CDC42SE2: variants seen among roughly 807,000 people sequenced by gnomAD.
The protein encoded by CDC42SE2 is CDC42 small effector 2, also known as CDC42 small effector protein 2.
In CDC42SE2, 3 loss-of-function variants were observed where a neutral mutation model predicts 11.5. That is an observed-to-expected ratio of 0.26 (90% confidence interval 0.12 to 0.67). The LOEUF (loss-of-function observed/expected upper bound fraction) is 0.67. CDC42SE2 is among the 30% of genes least tolerant of loss of function. The pLI, the probability that CDC42SE2 is intolerant of heterozygous loss-of-function variation, is 0.80. For synonymous variants in CDC42SE2, 33 were observed against 34.8 expected (o/e 0.95, Z 0.18); for missense variants, 82 against 106.8 (o/e 0.77, Z 1.02).
intron 1 of CDC42SE2, among the ~76,000 whole-genome samples, chr5:131,275,830 A>T (rs1757089094): frequency 6.6e-6 from 1 of 151,758 alleles, no homozygotes; most frequent in Non-Finnish European, 1.5e-5. Flanking sequence ...ACAAAAAGTT[A>T]TTAGTATGCC....
intron 2 of CDC42SE2, among the ~76,000 whole-genome samples, chr5:131,324,699 T>C (rs1561584989): frequency 6.6e-6 from 1 of 152,126 alleles, no homozygotes; most frequent in Non-Finnish European, 1.5e-5. Context: ...TTTTAAAAAG[T>C]CCAAAAGCTC....
intron 1 of CDC42SE2, among the ~76,000 whole-genome samples, chr5:131,276,358 C>T (rs1008198501): frequency 3.3e-5 from 5 of 149,356 alleles, no homozygotes; most frequent in East Asian, 2.0e-4. Context: ...CTGAGGTGGG[C>T]GGATTGCTTG....
intron 1 of CDC42SE2, among the ~76,000 whole-genome samples, chr5:131,298,027 C>G (rs982794191): frequency 4.6e-5 from 7 of 151,462 alleles, no homozygotes; most frequent in Non-Finnish European, 7.4e-5. Flanking sequence ...GCAGTTAAAT[C>G]TAATTTTTTA....
upstream of CDC42SE2, among the ~76,000 whole-genome samples, chr5:131,242,338 T>G (rs1458314953): frequency 6.6e-6 from 1 of 152,136 alleles, no homozygotes. Flanking sequence ...CAAAAGCGAG[T>G]CCTTTCATCT....
At chr5:131,218,208 GA>G in the CDC42SE2 span, among the ~76,000 whole-genome samples, 3 of 149,972 alleles carry the variant, frequency 2.0e-5, no homozygotes, top group Non-Finnish European at 4.4e-5. Context: ...GAAGAAGAAG[GA>G]AAGAAAAAGA....
intron 4 of CDC42SE2, among the ~76,000 whole-genome samples, chr5:131,389,095 C>CTATGGG (rs1436625856): frequency 2.0e-5 from 3 of 152,132 alleles, no homozygotes; most frequent in African/African-American, 7.2e-5. Context: ...TTCGAACTCC[C>CTATGGG]ATAGTGTTGG....
At chr5:131,247,505 G>A (rs921314172) in intron 1 of CDC42SE2, among the ~76,000 whole-genome samples, 2 of 151,986 alleles carry the variant, frequency 1.3e-5, no homozygotes, top group Admixed American at 1.3e-4. Flanking sequence ...TGTGATCCCA[G>A]CTACTTGGGA....
At chr5:131,331,193 C>T (rs1374669784) in intron 2 of CDC42SE2, among the ~76,000 whole-genome samples, 1 of 152,114 alleles carries the variant, frequency 6.6e-6, no homozygotes, top group East Asian at 1.9e-4. Context: ...ATTTTGAACA[C>T]AGGTTTTGCC....
At chr5:131,389,141 G>C (rs1304346366) in intron 4 of CDC42SE2, among the ~76,000 whole-genome samples, 3 of 152,122 alleles carry the variant, frequency 2.0e-5, no homozygotes. Flanking sequence ...TGGTCATAAA[G>C]ATGTTTTTTA....
At chr5:131,272,173 GC>G (rs1314215653) in intron 1 of CDC42SE2, among the ~76,000 whole-genome samples, 1 of 151,868 alleles carries the variant, frequency 6.6e-6, no homozygotes, top group African/African-American at 2.4e-5. Flanking sequence ...ACCATGCCCG[GC>G]TGATTTTTGT....
At chr5:131,347,965 TAACA>T (rs1758894784) in intron 2 of CDC42SE2, among the ~76,000 whole-genome samples, 1 of 151,440 alleles carries the variant, frequency 6.6e-6, no homozygotes, top group Non-Finnish European at 1.5e-5. Flanking sequence ...GCTAAAAACT[TAACA>T]AACTAGGTAT....
intron 2 of CDC42SE2, among the ~76,000 whole-genome samples, chr5:131,317,865 C>CTT (rs11408968): frequency 5.1e-4 from 76 of 148,932 alleles, no homozygotes; most frequent in Non-Finnish European, 6.6e-4. Context: ...GAAGAATTCA[C>CTT]TTTTTTTTTT....
upstream of CDC42SE2, among the ~76,000 whole-genome samples, chr5:131,240,652 T>C (rs897593570): frequency 1.3e-5 from 2 of 152,234 alleles, no homozygotes; most frequent in Non-Finnish European, 2.9e-5. Flanking sequence ...GTTTATAAAG[T>C]TTTGAGTAGC....
At chr5:131,250,431 T>C (rs1200392217) in intron 1 of CDC42SE2, among the ~76,000 whole-genome samples, 1 of 152,138 alleles carries the variant, frequency 6.6e-6, no homozygotes, top group Non-Finnish European at 1.5e-5. Context: ...CAGAAATACA[T>C]GGAGGAAACT....
rs77049838 is a variant in CDC42SE2, at chr5:131,258,671, C to T, written n.242+3442C>T. ...TCACCTAAAATCATCTCCCACACCA[C>T]GAGAGGTGTGCAATACATAGTTTGG... On this transcript the variant is annotated intron_variant and non_coding_transcript_variant, in intron 2 of 3. Coordinates refer to the CDC42SE2 transcript ENST00000502840. 6.2e-3 allele frequency among the ~76,000 whole-genome samples: 938 copies of T among 152,274 alleles called. 11 individuals carry two copies. The highest frequency in any genetic ancestry group is 0.01 in the Non-Finnish European group (684 of 68,026).
intron 1 of CDC42SE2, among the ~76,000 whole-genome samples, chr5:131,307,361 C>G (rs1465448265): frequency 6.6e-6 from 1 of 151,790 alleles, no homozygotes; most frequent in East Asian, 1.9e-4. Flanking sequence ...ATGATGGTTT[C>G]CAATTTCATC....
chr5:131,385,379 A>G (rs1750450738), intron 3 of CDC42SE2, among the ~76,000 whole-genome samples, 164 bp from the exon 4 acceptor site: 1 of 152,198 alleles, frequency 6.6e-6, no homozygotes, highest in Non-Finnish European at 1.5e-5. Flanking sequence ...TTTTGTGCAT[A>G]TATTTGTCTT....
intron 1 of CDC42SE2, among the ~76,000 whole-genome samples, chr5:131,269,558 C>CACCTA (rs1162541453): frequency 3.3e-5 from 5 of 151,818 alleles, no homozygotes; most frequent in Non-Finnish European, 5.9e-5. Context: ...CACCTAAGGT[C>CACCTA]AGGAGTTCGA....
intron 3 of CDC42SE2, among the ~76,000 whole-genome samples, chr5:131,368,157 G>T (rs1749913172): frequency 6.6e-6 from 1 of 151,706 alleles, no homozygotes; most frequent in Admixed American, 6.6e-5. Flanking sequence ...GGAGGCTGAG[G>T]CAGGAGAATG....
Sources: allele counts gnomAD v4.1 joint callset (sites outside exome capture counted in the v4.1 genomes callset), GRCh38; gene constraint gnomAD v4.1.1; transcripts MANE v1.5; gene names NCBI Gene and HGNC (gene_info 2026-07-23, HGNC 2026-07-21).